Variants in BDP1 observed in about 807,000 individuals in gnomAD.
BDP1 encodes the protein transcription factor TFIIIB component B'' homolog.
Under a neutral mutation model 266.6 loss-of-function variants are expected in BDP1, and 169 were observed. The ratio of observed to expected loss-of-function variants is 0.63; its 90% CI spans 0.56 to 0.72. The LOEUF (loss-of-function observed/expected upper bound fraction) is 0.72. Among genes scored for constraint, BDP1 ranks in the 30% least tolerant of loss-of-function variants. The pLI is 0.00. For missense variants in BDP1, 3,015 were observed against 3,053.8 expected (o/e 0.99, Z 0.30); for synonymous variants, 1,090 against 1,022.4 (o/e 1.07, Z -1.26).
intron 13 of BDP1, among the ~76,000 whole-genome samples, chr5:71,500,931 C>T (rs906875268): frequency 2.0e-5 from 3 of 151,796 alleles, no homozygotes; most frequent in Non-Finnish European, 2.9e-5. Flanking sequence ...AAGATCTGGT[C>T]TCTACAAAAA....
At chr5:71,542,464 T>C (rs1348499057) in intron 30 of BDP1, among the ~76,000 whole-genome samples, 199 bp downstream of exon 30, 3 of 152,212 alleles carry the variant, frequency 2.0e-5, no homozygotes. Flanking sequence ...TTGCTACATT[T>C]GTTTGATCAA....
intron 34 of BDP1, among the ~76,000 whole-genome samples, chr5:71,549,876 A>C (rs1167938221): frequency 6.6e-6 from 1 of 152,272 alleles, no homozygotes; most frequent in Non-Finnish European, 1.5e-5. Flanking sequence ...AGATCATAAA[A>C]TGATACCTGT....
chr5:71,577,581 A>ATC, the BDP1 span, among the ~76,000 whole-genome samples: 67,348 of 151,902 alleles, frequency 0.44, 15,305 homozygotes, highest in South Asian at 0.55. Flanking sequence ...TATCCATGGG[A>ATC]TCTTGTGAAA....
intron 22 of BDP1, among the ~76,000 whole-genome samples, chr5:71,521,870 A>C (rs1382686496): frequency 6.6e-6 from 1 of 152,098 alleles, no homozygotes; most frequent in East Asian, 1.9e-4. Context: ...CGAGTTGGTT[A>C]TAACTGTCAT....
At chr5:71,489,255 G>T in intron 9 of BDP1, 149 bp from the exon 10 acceptor site, 1 of 531,306 alleles carries the variant, frequency 1.9e-6, no homozygotes. Context: ...ATATTATTTA[G>T]TCATTTCCCA....
At chr5:71,552,992 A>T in intron 34 of BDP1, 124 bp from the exon 35 acceptor site, 1 of 823,850 alleles carries the variant, frequency 1.2e-6, no homozygotes, top group East Asian at 2.7e-5. Context: ...GTTTTATTGG[A>T]ATTTTCATTG....
At chr5:71,530,209 T>TC (rs1766148600) in intron 25 of BDP1, among the ~76,000 whole-genome samples, 1 of 152,128 alleles carries the variant, frequency 6.6e-6, no homozygotes, top group South Asian at 2.1e-4. Flanking sequence ...AAATTTTTTT[T>TC]TGTTACATTT....
At chr5:71,544,749 G>A (rs980890066) in intron 31 of BDP1, among the ~76,000 whole-genome samples, 2 of 151,568 alleles carry the variant, frequency 1.3e-5, no homozygotes, top group East Asian at 1.9e-4. Context: ...GCGTGGTGGC[G>A]GGCGTCTGTA....
chr5:71,490,917 C>T, intron 10 of BDP1, 67 bp from the exon 11 acceptor site: 2 of 1,506,272 alleles, frequency 1.3e-6, no homozygotes, highest in Non-Finnish European at 1.8e-6. Flanking sequence ...TAGGTAAATT[C>T]CTTTGTGCTC....
rs1316056414 is a variant in BDP1 at position 71,509,654 on chromosome 5, C to T, written c.2562C>T (p.Asp854=). The part of the protein sequence containing the change: ...AAALRETVRL[D]TSPKEMVPAE... ...CATTGAGAGAAACTGTAAGACTAGA[C>T]ACCTCACCAAAGGAGATGGTACCAG... is the stretch of plus-strand genomic sequence containing the variant. Residue 854 remains aspartate (D), a synonymous_variant, in exon 17 of 39, where the codon GAC becomes GAT. Coordinates refer to ENST00000358731, the MANE Select transcript of BDP1 (RefSeq NM_018429.3). The T allele has an allele frequency of 1.9e-6, 3 of 1,612,870 alleles. No individual in the cohort carries two copies. Among genetic ancestry groups the T allele is most frequent in the African/African-American group, 2.7e-5 (2 of 74,766 alleles).
chr5:71,465,945 G>A (rs375677689), intron 4 of BDP1, 151 bp from the exon 5 acceptor site: 26 of 690,656 alleles, frequency 3.8e-5, no homozygotes, highest in East Asian at 1.6e-4. Context: ...CTCTAATTGC[G>A]TCCTTAATAA....
At chr5:71,571,635 A>T (rs971655620), downstream of BDP1, among the ~76,000 whole-genome samples, 4 of 151,798 alleles carry the variant, frequency 2.6e-5, 1 homozygote, top group African/African-American at 4.8e-5. Flanking sequence ...ATTTTAATTA[A>T]TTATTTATTT....
chr5:71,561,876 T>C (rs991562177), intron 37 of BDP1, among the ~76,000 whole-genome samples: 2 of 152,204 alleles, frequency 1.3e-5, no homozygotes, highest in Admixed American at 6.5e-5. Context: ...CTGCTAATTT[T>C]GCCCAGGCTG....
chr5:71,559,697 ACT>A (rs1207788010), intron 36 of BDP1, among the ~76,000 whole-genome samples: 1 of 152,022 alleles, frequency 6.6e-6, no homozygotes, highest in African/African-American at 2.4e-5. Flanking sequence ...GAAAGTAATC[ACT>A]CTCCCATTTT....
chr5:71,563,943 G>A (rs770586793), intron 38 of BDP1, among the ~76,000 whole-genome samples: 13 of 152,062 alleles, frequency 8.5e-5, no homozygotes, highest in South Asian at 2.1e-4. Flanking sequence ...ACCTACCTCC[G>A]TCCAGAATTA....
chr5:71,524,849 C>T (rs1003976599), intron 25 of BDP1, among the ~76,000 whole-genome samples: 1 of 149,758 alleles, frequency 6.7e-6, no homozygotes, highest in African/African-American at 2.5e-5. Flanking sequence ...AACGAGCATG[C>T]TGCCTTCAAG....
At chr5:71,541,721 C>T in intron 29 of BDP1, 39 bp downstream of exon 29, 1 of 1,268,790 alleles carries the variant, frequency 7.9e-7, no homozygotes, top group Non-Finnish European at 1.1e-6. Flanking sequence ...TTACTAAAAC[C>T]ACCATCAAAT....
chr5:71,495,213 G>A lies in BDP1; in HGVS notation c.1641-37G>A, dbSNP rs2150421307. The A allele has an allele frequency of 2.3e-6, 3 of 1,296,124 alleles. No homozygotes were observed. The South Asian group carries it at 5.0e-5, about 22-fold the overall frequency. The allele number at this position is 1,296,124 out of a possible 1,614,324, so 80.3% of individuals were successfully genotyped here. On this transcript the variant is annotated intron_variant, in intron 11 of 38. Coordinates refer to ENST00000358731, the MANE Select transcript of BDP1 (RefSeq NM_018429.3). ...ATAATTATAAAATATATATCATTAG[G>A]AATTCTTTTCTCTCTGAAATATTTT...
intron 7 of BDP1, 136 bp downstream of exon 7, chr5:71,470,625 G>C (rs1265195473): frequency 1.6e-6 from 1 of 634,550 alleles, no homozygotes; most frequent in East Asian, 3.0e-5. Context: ...GTTTCACTTT[G>C]TTGCCCAGGC....
Sources: allele counts gnomAD v4.1 joint callset (sites outside exome capture counted in the v4.1 genomes callset), GRCh38; gene constraint gnomAD v4.1.1; transcripts MANE v1.5; gene names NCBI Gene and HGNC (gene_info 2026-07-23, HGNC 2026-07-21).